Variants in TG observed in about 807,000 individuals in gnomAD.
The protein encoded by TG is thyroglobulin.
A neutral mutation model predicts 324.7 loss-of-function variants in TG; 270 were observed. The observed-to-expected ratio is 0.83, with a 90% confidence interval of 0.75 to 0.92. The LOEUF is 0.92. Among genes scored for constraint, TG ranks in the 40% least tolerant of loss-of-function variants. TG has a pLI of 0.00. For missense variants in TG, 3,591 were observed against 3,456.4 expected, an observed-to-expected ratio of 1.04 and a Z score of -0.98; for synonymous variants, 1,401 against 1,327.0, an observed-to-expected ratio of 1.06 and a Z score of -1.21.
rs1836441236 is a variant in TG at position 133,029,726 on chromosome 8, G to A, written c.7037-95G>A. On this transcript the variant is annotated intron_variant, in intron 40 of 47. Transcript: ENST00000220616. ...AGGACAAGAGCCCAGAGCCCCTGGC[G>A]GGGCCGCATATATGCCTGCCATAGA... 39 of 1,478,988 alleles carry A rather than the reference G, an allele frequency of 2.6e-5. No individual in the cohort carries two copies. The Middle Eastern group carries it at 6.4e-4, about 24-fold the overall frequency. The allele number at this position is 1,478,988 out of a possible 1,614,324, so 91.6% of individuals were successfully genotyped here.
intron 37 of TG, among the ~76,000 whole-genome samples, chr8:133,017,480 G>T (rs1400429147): frequency 1.3e-5 from 2 of 152,066 alleles, no homozygotes; most frequent in Non-Finnish European, 2.9e-5. Flanking sequence ...CTTTCAAAAG[G>T]CCCCAGGGTG....
At chr8:133,086,612 G>A (rs1362152051) in intron 41 of TG, among the ~76,000 whole-genome samples, 3 of 152,138 alleles carry the variant, frequency 2.0e-5, no homozygotes, top group African/African-American at 2.4e-5. Flanking sequence ...TCATGGATAT[G>A]TGAATAGATT....
chr8:133,105,748 G>A (rs1849747458), intron 43 of TG, among the ~76,000 whole-genome samples: 1 of 152,182 alleles, frequency 6.6e-6, no homozygotes, highest in African/African-American at 2.4e-5. Flanking sequence ...AGGAAAAGGG[G>A]ACAGGGTGGC....
chr8:132,987,866 G>T (rs890723682), intron 35 of TG, among the ~76,000 whole-genome samples: 16 of 152,108 alleles, frequency 1.1e-4, no homozygotes, highest in Non-Finnish European at 2.9e-5. Flanking sequence ...CTTCAAACCA[G>T]CTAGTGTGTT....
intron 46 of TG, among the ~76,000 whole-genome samples, chr8:133,132,802 T>C (rs541325140): frequency 2.6e-5 from 4 of 152,158 alleles, no homozygotes; most frequent in South Asian, 2.1e-4. Context: ...TAGAAAATAT[T>C]TCACTGAGGA....
At chr8:132,884,728 A>G (rs758848490) in intron 8 of TG, among the ~76,000 whole-genome samples, 4 of 152,264 alleles carry the variant, frequency 2.6e-5, no homozygotes, top group Non-Finnish European at 4.4e-5. Flanking sequence ...AAGGCCATAA[A>G]TGGCTCTATC....
At chr8:133,040,464 AC>A (rs1838009577) in intron 41 of TG, 6 of 281,190 alleles carry the variant, frequency 2.1e-5, no homozygotes, top group African/African-American at 8.6e-5. Flanking sequence ...CCTTTCTTCA[AC>A]TGCAGAATGA....
chr8:132,900,535 A>G (rs567084234), intron 15 of TG, among the ~76,000 whole-genome samples, 196 bp downstream of exon 15: 1 of 152,314 alleles, frequency 6.6e-6, no homozygotes, highest in South Asian at 2.1e-4. Flanking sequence ...GTTTCTTGGG[A>G]GAAGCAAACG....
At chr8:133,103,524 T>C (rs748067159) in intron 43 of TG, among the ~76,000 whole-genome samples, 7 of 152,242 alleles carry the variant, frequency 4.6e-5, no homozygotes, top group Non-Finnish European at 8.8e-5. Flanking sequence ...ATTAAAATAT[T>C]GTATTTCATG....
chr8:133,060,198 A>G lies in TG; in HGVS notation c.7239+30175A>G, dbSNP rs374941178. 10 of 1,613,376 alleles carry G rather than the reference A, an allele frequency of 6.2e-6. No homozygotes were observed. Among genetic ancestry groups the G allele is most frequent in the Non-Finnish European group, 8.5e-6 (10 of 1,179,756 alleles). ...CCCTGGGGCCGCTGGTGATGCCCAGAGCCTGTGGTATAGGAGACAGACGGG... is the reference window on the plus strand; with the variant it reads ...CCCTGGGGCCGCTGGTGATGCCCAGGGCCTGTGGTATAGGAGACAGACGGG... On this transcript the variant is annotated intron_variant, in intron 41 of 47. Coordinates refer to ENST00000220616, the MANE Select transcript of TG (RefSeq NM_003235.5).
intron 35 of TG, among the ~76,000 whole-genome samples, chr8:133,010,170 T>A (rs1426012920): frequency 6.6e-6 from 1 of 152,156 alleles, no homozygotes; most frequent in East Asian, 1.9e-4. Flanking sequence ...GACATCTGAT[T>A]CTCTTCTGGC....
At chr8:133,123,081 T>C (rs1021050185) in intron 45 of TG, among the ~76,000 whole-genome samples, 1 of 152,084 alleles carries the variant, frequency 6.6e-6, no homozygotes, top group Non-Finnish European at 1.5e-5. Flanking sequence ...CCCCCTAAGC[T>C]GTGCCAACCA....
intron 35 of TG, among the ~76,000 whole-genome samples, chr8:133,010,212 A>G (rs146817463): frequency 1.3e-5 from 2 of 152,144 alleles, no homozygotes; most frequent in African/African-American, 4.8e-5. Flanking sequence ...GTTCTGAAAA[A>G]TGTCATATAA....
intron 15 of TG, 64 bp from the exon 16 acceptor site, chr8:132,901,289 A>G: frequency 1.3e-6 from 2 of 1,596,656 alleles, no homozygotes; most frequent in Non-Finnish European, 1.7e-6. Context: ...GAGGAGGGTG[A>G]TTGGGCATCT....
rs1321349086 is a variant in TG, at chr8:133,013,761, C to G, written c.6559C>G (p.Pro2187Ala). 2.5e-6 allele frequency: 4 copies of G among 1,609,298 alleles called. No homozygotes were observed. The East Asian group carries it at 8.9e-5, about 36-fold the overall frequency. Residue 2187 changes from proline (P) to alanine (A), a missense_variant, in exon 37 of 48, where the codon CCA (proline) becomes GCA (alanine). Pro to Ala is a conservative substitution (Grantham distance 27, BLOSUM62 -1). Transcript: ENST00000220616. ...AGAGGCCACCCACATCTACCGGAAGCCAGGTAAGCCCAAGCCTATGCCTTT... is the reference window on the plus strand; with the variant it reads ...AGAGGCCACCCACATCTACCGGAAGGCAGGTAAGCCCAAGCCTATGCCTTT... ...REEATHIYRK[P>A]GISLLSYEAS...
intron 35 of TG, among the ~76,000 whole-genome samples, chr8:132,996,074 T>G (rs568273267): frequency 9.2e-5 from 14 of 152,300 alleles, no homozygotes; most frequent in African/African-American, 2.9e-4. Context: ...GTAGTCTGGA[T>G]GAAGTCCCTG....
rs1028644915 is a variant in TG, at chr8:132,958,285, A to G, written c.5402-2723A>G. On this transcript the variant is annotated intron_variant, in intron 27 of 47. Coordinates refer to ENST00000220616, the MANE Select transcript of TG (RefSeq NM_003235.5). ...TATTCACTTTACATCTGTATTACCT[A>G]TATGAGTATATAGGTTATATCTATA... Among the ~76,000 whole-genome samples, 3 of 152,210 alleles carry G rather than the reference A, an allele frequency of 2.0e-5. No homozygotes were observed. The East Asian group carries it at 5.8e-4, about 29-fold the overall frequency.
At chr8:133,020,690 C>T (rs1384617203) in intron 39 of TG, among the ~76,000 whole-genome samples, 1 of 152,180 alleles carries the variant, frequency 6.6e-6, no homozygotes, top group Admixed American at 6.5e-5. Flanking sequence ...TCCAGGTCAG[C>T]CCCTTCCTCT....
At position 132,888,322 on chromosome 8, in the gene TG, T is replaced by G; in HGVS notation, c.2515T>G (p.Tyr839Asp). The G allele has an allele frequency of 6.2e-7, 1 of 1,614,140 alleles. No individual in the cohort carries two copies. Among genetic ancestry groups the G allele is most frequent in the Non-Finnish European group, 8.5e-7 (1 of 1,180,012 alleles). Residue 839 changes from tyrosine to aspartate, a missense_variant, in exon 10 of 48, where the codon TAC (tyrosine) becomes GAC (aspartate). By Grantham distance (160) the Tyr-to-Asp change is radical (BLOSUM62 -3). Coordinates refer to ENST00000220616, the MANE Select transcript of TG (RefSeq NM_003235.5). ...QQDVFPVLSQ[Y>D]PSLQDVPLAA... is the part of the protein sequence containing the mutation. ...AGATGTCTTCCCGGTGCTGTCACAA[T>G]ACCCTTCTCTGCAAGATGTCCCACT...
Sources: gnomAD v4.1 joint callset for allele counts (sites outside exome capture counted in the v4.1 genomes callset) on GRCh38, gnomAD v4.1.1 for gene constraint, MANE v1.5 for transcripts, NCBI Gene and HGNC (gene_info 2026-07-23, HGNC 2026-07-21) for gene names.